NCAM2: variants seen among roughly 807,000 people sequenced by gnomAD.
The protein encoded by NCAM2 is neural cell adhesion molecule 2.
NCAM2 carries 30 observed loss-of-function variants against 98.1 expected under a neutral mutation model. That is an observed-to-expected ratio of 0.31 (90% CI 0.23 to 0.41). NCAM2 has a LOEUF of 0.41. Ranked by LOEUF, NCAM2 falls within the 10% of genes least tolerant of loss-of-function variation. The pLI is 1.00. For synonymous variants in NCAM2, 368 were observed against 342.4 expected (o/e 1.07, Z -0.83); for missense variants, 867 against 1,005.8 (o/e 0.86, Z 1.87).
intron 10 of NCAM2, among the ~76,000 whole-genome samples, chr21:21,415,365 G>A (rs1235374194): frequency 8.2e-6 from 1 of 121,664 alleles, no homozygotes; most frequent in Non-Finnish European, 1.6e-5. Flanking sequence ...TTGAGACAGG[G>A]TCTTGCTCTG....
intron 12 of NCAM2, among the ~76,000 whole-genome samples, chr21:21,465,339 G>A (rs1163146697): frequency 6.6e-6 from 1 of 151,880 alleles, no homozygotes; most frequent in Non-Finnish European, 1.5e-5. Context: ...CCAAGACTTT[G>A]GGAGGCTGAG....
chr21:21,520,291 G>A (rs73326901), intron 16 of NCAM2, among the ~76,000 whole-genome samples: 8,599 of 151,962 alleles, frequency 0.057, 240 homozygotes, highest in East Asian at 0.073. Context: ...AAAATCAAAT[G>A]ATAAATAATT....
intron 8 of NCAM2, among the ~76,000 whole-genome samples, chr21:21,348,208 A>G (rs1392488356): frequency 2.0e-5 from 3 of 152,182 alleles, no homozygotes; most frequent in African/African-American, 4.8e-5. Context: ...ATATATTTGG[A>G]AAAACCTAGA....
intron 1 of NCAM2, among the ~76,000 whole-genome samples, chr21:21,263,933 C>A (rs760201054): frequency 1.3e-5 from 2 of 151,928 alleles, no homozygotes; most frequent in African/African-American, 2.4e-5. Flanking sequence ...GGACATTAGC[C>A]TAGGCAAAGA....
intron 1 of NCAM2, among the ~76,000 whole-genome samples, chr21:21,189,558 T>TC (rs1210515816): frequency 6.6e-6 from 1 of 152,160 alleles, no homozygotes; most frequent in Non-Finnish European, 1.5e-5. Flanking sequence ...AGACCTCGTC[T>TC]CTATTTAAAA....
chr21:21,142,685 A>G (rs943739013), intron 1 of NCAM2, among the ~76,000 whole-genome samples: 8 of 151,950 alleles, frequency 5.3e-5, no homozygotes, highest in Non-Finnish European at 8.8e-5. Flanking sequence ...AGCCTTGACC[A>G]TTATTTTTAT....
chr21:21,034,081 G>A (rs2064749167), intron 1 of NCAM2, among the ~76,000 whole-genome samples: 1 of 151,740 alleles, frequency 6.6e-6, no homozygotes, highest in African/African-American at 2.4e-5. Context: ...ATTGAGATAA[G>A]CAGATAAAAA....
chr21:21,345,529 C>G (rs745993309), intron 8 of NCAM2, among the ~76,000 whole-genome samples: 1 of 151,296 alleles, frequency 6.6e-6, no homozygotes, highest in Non-Finnish European at 1.5e-5. Flanking sequence ...ATTGTTCAAG[C>G]AGAAGAAATA....
At chr21:21,139,662 A>G (rs1466613650) in intron 1 of NCAM2, among the ~76,000 whole-genome samples, 1 of 152,192 alleles carries the variant, frequency 6.6e-6, no homozygotes, top group Admixed American at 6.5e-5. Flanking sequence ...GAATTTTTAC[A>G]TTCTAAGGGG....
At chr21:21,520,466 G>T (rs193063500) in intron 16 of NCAM2, among the ~76,000 whole-genome samples, 2 of 152,214 alleles carry the variant, frequency 1.3e-5, no homozygotes, top group Admixed American at 1.3e-4. Context: ...TGTGTAAAAG[G>T]CTTTGTTATA....
intron 1 of NCAM2, among the ~76,000 whole-genome samples, chr21:21,024,823 A>T (rs1369949048): frequency 1.3e-5 from 2 of 151,650 alleles, no homozygotes; most frequent in Admixed American, 1.3e-4. Flanking sequence ...GGAGGCGGAG[A>T]CTGCAGTGAG....
chr21:21,059,597 A>T (rs190991738), intron 1 of NCAM2, among the ~76,000 whole-genome samples: 38 of 152,230 alleles, frequency 2.5e-4, no homozygotes, highest in Non-Finnish European at 4.0e-4. Flanking sequence ...CATCTTTTAC[A>T]TAGCATTTCT....
At chr21:21,110,327 A>G (rs2066429822) in intron 1 of NCAM2, among the ~76,000 whole-genome samples, 1 of 151,914 alleles carries the variant, frequency 6.6e-6, no homozygotes. Flanking sequence ...CACCTAAACA[A>G]CTTCCTGTGG....
chr21:21,194,508 G>A (rs1408463954), intron 1 of NCAM2, among the ~76,000 whole-genome samples: 2 of 151,986 alleles, frequency 1.3e-5, no homozygotes. Context: ...CTAGTAAGGG[G>A]CAAACACATT....
Position 21,351,089 on chromosome 21 carries a change from G to A in NCAM2, c.1044+12555G>A, listed in dbSNP as rs1191478692. On this transcript the variant is annotated intron_variant, in intron 8 of 17. Transcript: ENST00000400546. ...AGATCCTGCCACTGCACTCCAGCCT[G>A]GGAGACAGAGAGAGCGAGACTCTGT... is the stretch of plus-strand genomic sequence containing the variant. 3.7e-5 allele frequency among the ~76,000 whole-genome samples: 5 copies of A among 134,826 alleles called. 1 individual carries two copies. In the Middle Eastern group the frequency reaches 0.017, roughly 465 times the overall value. 88.5% of individuals were successfully genotyped at this position (134,826 alleles called of 152,430 possible). A position where few individuals can be genotyped will look rare whatever the true frequency, so the allele number is the denominator to read the frequency against.
chr21:21,292,841 T>G (rs2073346032), intron 5 of NCAM2, among the ~76,000 whole-genome samples: 1 of 151,900 alleles, frequency 6.6e-6, no homozygotes, highest in African/African-American at 2.4e-5. Context: ...TACTCGAGAC[T>G]GAGTAATTTA....
At position 21,070,267 on chromosome 21, in the gene NCAM2, G is replaced by GTATATA. The variant is rs56050809; in HGVS notation, c.55+71664_55+71669dup. ...ATATAACCTGATATATGTACATAGTGTATATATATATATATATATAATCTA... is the reference window on the plus strand; with the variant it reads ...ATATAACCTGATATATGTACATAGTGTATATATATATATATATATATATATAATCTA... On this transcript the variant is annotated intron_variant, in intron 1 of 17. Transcript: ENST00000400546. 5.8e-3 allele frequency among the ~76,000 whole-genome samples: 838 copies of GTATATA among 145,228 alleles called. 8 individuals carry two copies. The highest frequency in any genetic ancestry group is 0.032 in the East Asian group (161 of 4,962).
intron 1 of NCAM2, among the ~76,000 whole-genome samples, chr21:21,259,044 G>A (rs2071784428): frequency 6.6e-6 from 1 of 152,170 alleles, no homozygotes; most frequent in African/African-American, 2.4e-5. Context: ...TGAAGATGAA[G>A]CAGTGGTTCT....
intron 1 of NCAM2, among the ~76,000 whole-genome samples, chr21:21,239,072 G>C (rs55964205): frequency 0.015 from 2,331 of 152,228 alleles, 65 homozygotes; most frequent in African/African-American, 0.052. Flanking sequence ...GGTTGACATT[G>C]TACAAAGATA....
Sources: gnomAD v4.1 joint callset for allele counts (sites outside exome capture counted in the v4.1 genomes callset) on GRCh38, gnomAD v4.1.1 for gene constraint, MANE v1.5 for transcripts, NCBI Gene and HGNC (gene_info 2026-07-23, HGNC 2026-07-21) for gene names.